Variants in LPP observed in about 807,000 individuals in gnomAD.
LPP encodes the protein lipoma-preferred partner.
Under a neutral mutation model 60.4 loss-of-function variants are expected in LPP, and 38 were observed. The ratio of observed to expected loss-of-function variants is 0.63; its 90% CI spans 0.49 to 0.83. The LOEUF (loss-of-function observed/expected upper bound fraction) is 0.83. Among genes scored for constraint, LPP ranks in the 40% least tolerant of loss-of-function variants. The probability of loss-of-function intolerance (pLI) is 0.00; values close to 1 mark genes in which losing one functional copy is unlikely to be tolerated. For missense variants in LPP, 902 were observed against 783.6 expected, an observed-to-expected ratio of 1.15 and a Z score of -1.80; for synonymous variants, 328 against 290.8, an observed-to-expected ratio of 1.13 and a Z score of -1.30.
At chr3:188,570,404 C>T (rs1580057235) in intron 6 of LPP, among the ~76,000 whole-genome samples, 1 of 151,948 alleles carries the variant, frequency 6.6e-6, no homozygotes, top group Non-Finnish European at 1.5e-5. Flanking sequence ...GAATGCTTGG[C>T]ATTTTGAGAA....
chr3:188,831,322 T>C (rs1426644045), intron 9 of LPP, among the ~76,000 whole-genome samples: 1 of 152,036 alleles, frequency 6.6e-6, no homozygotes, highest in Non-Finnish European at 1.5e-5. Flanking sequence ...GAGAGCAAAA[T>C]CAAGCACTGG....
At chr3:188,270,872 T>C (rs78372939) in intron 2 of LPP, among the ~76,000 whole-genome samples, 2 of 152,324 alleles carry the variant, frequency 1.3e-5, no homozygotes, top group East Asian at 3.9e-4. Context: ...AAATTGTTCT[T>C]GCAGTCAGCA....
At chr3:188,772,450 T>C (rs867741887) in intron 9 of LPP, among the ~76,000 whole-genome samples, 17 of 152,318 alleles carry the variant, frequency 1.1e-4, no homozygotes, top group South Asian at 6.2e-4. Context: ...CAGGAACCCC[T>C]TGAAGACTGT....
chr3:188,433,454 AGT>A (rs1201600343), intron 4 of LPP, among the ~76,000 whole-genome samples: 1 of 152,038 alleles, frequency 6.6e-6, no homozygotes, highest in Non-Finnish European at 1.5e-5. Flanking sequence ...GAAGTAATAG[AGT>A]GTCTCTTAGC....
chr3:188,828,648 G>T, intron 9 of LPP, among the ~76,000 whole-genome samples: 1 of 95,162 alleles, frequency 1.1e-5, no homozygotes, highest in African/African-American at 3.8e-5. Flanking sequence ...AAACTCAGCT[G>T]CATCCTTCCC....
At chr3:188,445,356 G>A (rs1323046474) in intron 4 of LPP, among the ~76,000 whole-genome samples, 1 of 152,118 alleles carries the variant, frequency 6.6e-6, no homozygotes, top group Admixed American at 6.5e-5. Context: ...GGATGAAGCT[G>A]GAAACCATCA....
chr3:188,788,695 C>T (rs1297107990), intron 9 of LPP, among the ~76,000 whole-genome samples: 1 of 152,148 alleles, frequency 6.6e-6, no homozygotes, highest in African/African-American at 2.4e-5. Context: ...TCACTGACTA[C>T]AGAACCCTTT....
At chr3:188,683,457 C>A (rs1366677085) in intron 7 of LPP, among the ~76,000 whole-genome samples, 2 of 152,124 alleles carry the variant, frequency 1.3e-5, no homozygotes, top group Non-Finnish European at 2.9e-5. Context: ...GGTTTCCCAC[C>A]AGTCCACAAC....
intron 4 of LPP, among the ~76,000 whole-genome samples, chr3:188,450,788 GGTTTACTACTT>G (rs1425127425): frequency 6.6e-6 from 1 of 152,106 alleles, no homozygotes; most frequent in African/African-American, 2.4e-5. Flanking sequence ...TCCTTTAGGA[GGTTTACTACTT>G]GTAATACTGT....
chr3:188,605,379 T>C (rs561051974), intron 6 of LPP, among the ~76,000 whole-genome samples: 1 of 152,244 alleles, frequency 6.6e-6, no homozygotes, highest in African/African-American at 2.4e-5. Context: ...TCAGAAATGA[T>C]TCCCAGTGTT....
At chr3:188,271,076 T>C (rs908403201) in intron 2 of LPP, among the ~76,000 whole-genome samples, 1 of 152,206 alleles carries the variant, frequency 6.6e-6, no homozygotes, top group Non-Finnish European at 1.5e-5. Flanking sequence ...CATTTTCTAA[T>C]TCTTCCAAAT....
At chr3:188,218,290 C>A (rs1244938416) in intron 1 of LPP, among the ~76,000 whole-genome samples, 1 of 152,194 alleles carries the variant, frequency 6.6e-6, no homozygotes, top group Non-Finnish European at 1.5e-5. Flanking sequence ...GGCTTTCCTG[C>A]AGATACTTCA....
At chr3:188,179,411 T>C (rs1419472537) in intron 1 of LPP, 1 of 457,830 alleles carries the variant, frequency 2.2e-6, no homozygotes, top group Non-Finnish European at 4.4e-6. Flanking sequence ...CCTGCGGGCT[T>C]GGAGGGCCAC....
chr3:188,160,934 T>C (rs1203257047), intron 1 of LPP, among the ~76,000 whole-genome samples: 1 of 152,248 alleles, frequency 6.6e-6, no homozygotes, highest in East Asian at 1.9e-4. Flanking sequence ...AAAGAAGACA[T>C]TTGGTTGGGT....
Position 188,872,681 on chromosome 3 carries a change from T to C in LPP, c.1628T>C (p.Ile543Thr). Residue 543 changes from isoleucine (I) to threonine (T), a missense_variant, in exon 11 of 12, where the codon ATT (isoleucine) becomes ACT (threonine). Transcript: ENST00000617246. Reference sequence around the variant, plus strand: ...CGATGTTCTGTGTGCAAGGAGCCTATTATGCCAGCCCCGGGCCAGGAGGAG... The same window carrying C: ...CGATGTTCTGTGTGCAAGGAGCCTACTATGCCAGCCCCGGGCCAGGAGGAG... The part of the protein sequence containing the change: ...APRCSVCKEP[I>T]MPAPGQEETV... 6.2e-7 allele frequency: 1 copy of C among 1,614,164 alleles called. No individual in the cohort carries two copies.
intron 4 of LPP, among the ~76,000 whole-genome samples, chr3:188,419,072 G>A (rs1787097965): frequency 6.6e-6 from 1 of 152,084 alleles, no homozygotes; most frequent in Non-Finnish European, 1.5e-5. Flanking sequence ...AGTTCTATGA[G>A]GTCTCCCAGA....
chr3:188,310,909 G>A (rs1283451823), intron 2 of LPP, among the ~76,000 whole-genome samples: 1 of 152,118 alleles, frequency 6.6e-6, no homozygotes, highest in Non-Finnish European at 1.5e-5. Flanking sequence ...CAGAACTTGG[G>A]CTAAGTGCTT....
chr3:188,687,838 G>A (rs1028241836), intron 7 of LPP, among the ~76,000 whole-genome samples: 1 of 146,706 alleles, frequency 6.8e-6, no homozygotes, highest in East Asian at 2.0e-4. Flanking sequence ...GCAGTGGCAC[G>A]ATCTCGGCTC....
intron 4 of LPP, among the ~76,000 whole-genome samples, chr3:188,482,640 G>T (rs188801336): frequency 6.6e-6 from 1 of 152,064 alleles, no homozygotes; most frequent in Non-Finnish European, 1.5e-5. Context: ...CAGCATTTTC[G>T]AATGTGTTTC....
Sources: allele counts gnomAD v4.1 joint callset (sites outside exome capture counted in the v4.1 genomes callset), GRCh38; gene constraint gnomAD v4.1.1; transcripts MANE v1.5; gene names NCBI Gene and HGNC (gene_info 2026-07-23, HGNC 2026-07-21).